GALNT13: variants seen among roughly 807,000 people sequenced by gnomAD.
GALNT13 encodes the protein UDP-GalNAc:polypeptide N-acetylgalactosaminyltransferase 13.
In GALNT13, 28 loss-of-function variants were observed where a neutral mutation model predicts 64.2. The observed-to-expected ratio is 0.44, with a 90% CI of 0.32 to 0.60. GALNT13 has a LOEUF of 0.60. GALNT13 is among the 20% of genes least tolerant of loss of function. GALNT13 has a pLI of 0.05. For missense variants in GALNT13, 577 were observed against 669.8 expected, an observed-to-expected ratio of 0.86 and a Z score of 1.53; for synonymous variants, 214 against 224.6, an observed-to-expected ratio of 0.95 and a Z score of 0.42.
chr2:153,468,815 A>G, the GALNT13 span, among the ~76,000 whole-genome samples: 1 of 152,138 alleles, frequency 6.6e-6, no homozygotes, highest in Non-Finnish European at 1.5e-5. Context: ...ACACTAGGGT[A>G]GCACACGGTG....
intron 3 of GALNT13, among the ~76,000 whole-genome samples, chr2:154,038,946 A>G (rs1404086673): frequency 6.6e-6 from 1 of 152,130 alleles, no homozygotes; most frequent in African/African-American, 2.4e-5. Flanking sequence ...AATGGACAAA[A>G]AAATCTGAGT....
chr2:154,095,400 C>A lies in GALNT13; in HGVS notation c.143-44937C>A, dbSNP rs991305193. Among the ~76,000 whole-genome samples, 6 of 151,824 alleles carry A rather than the reference C, an allele frequency of 4.0e-5. No individual in the cohort carries two copies. In the East Asian group the frequency reaches 1.2e-3, roughly 30 times the overall value. On this transcript the variant is annotated intron_variant, in intron 3 of 12. Transcript: ENST00000392825. ...TGTGTTTTAAAAATGTTTGTGATAA[C>A]TGTAGTTCAATGTAATTGGGTGTTT...
the GALNT13 span, among the ~76,000 whole-genome samples, chr2:153,437,168 T>A: frequency 6.6e-6 from 1 of 152,198 alleles, no homozygotes; most frequent in Non-Finnish European, 1.5e-5. Flanking sequence ...AGTTCTAGTT[T>A]GATTGCACTA....
At chr2:153,628,233 A>T in the GALNT13 span, among the ~76,000 whole-genome samples, 1 of 151,708 alleles carries the variant, frequency 6.6e-6, no homozygotes, top group African/African-American at 2.4e-5. Flanking sequence ...TATCAGCTTA[A>T]GGAGATTTTG....
chr2:154,432,640 C>T (rs75739412), intron 11 of GALNT13, among the ~76,000 whole-genome samples: 7,180 of 152,202 alleles, frequency 0.047, 354 homozygotes, highest in East Asian at 0.23. Flanking sequence ...TTCTAGCTTC[C>T]GGTGTTTGCC....
the GALNT13 span, among the ~76,000 whole-genome samples, chr2:153,313,134 T>G: frequency 1.3e-5 from 2 of 152,154 alleles, no homozygotes; most frequent in Non-Finnish European, 2.9e-5. Flanking sequence ...GTGTGGCAAT[T>G]CCTCAAAGAC....
chr2:153,711,474 C>T, the GALNT13 span, among the ~76,000 whole-genome samples: 1 of 152,040 alleles, frequency 6.6e-6, no homozygotes, highest in Non-Finnish European at 1.5e-5. Flanking sequence ...TGCGGCCATG[C>T]CTAGAAGCAC....
At chr2:154,126,445 C>T (rs1334182687) in intron 3 of GALNT13, among the ~76,000 whole-genome samples, 3 of 151,948 alleles carry the variant, frequency 2.0e-5, no homozygotes, top group Admixed American at 6.6e-5. Context: ...ACCATCCTGG[C>T]TAACATGGTG....
chr2:153,536,592 TA>T, the GALNT13 span, among the ~76,000 whole-genome samples: 1 of 152,204 alleles, frequency 6.6e-6, no homozygotes, highest in Non-Finnish European at 1.5e-5. Flanking sequence ...GGTATATGCT[TA>T]TCATTTTTAT....
the GALNT13 span, among the ~76,000 whole-genome samples, chr2:153,281,359 C>T: frequency 2.0e-5 from 3 of 151,522 alleles, no homozygotes; most frequent in Non-Finnish European, 2.9e-5. Flanking sequence ...TGTGCCTTTT[C>T]AGTGATGGCA....
chr2:154,037,662 T>A (rs1698739021), intron 3 of GALNT13, among the ~76,000 whole-genome samples: 1 of 152,164 alleles, frequency 6.6e-6, no homozygotes, highest in Non-Finnish European at 1.5e-5. Context: ...AGTAAAGTTG[T>A]AGGATACAAA....
the GALNT13 span, among the ~76,000 whole-genome samples, chr2:153,587,505 A>C: frequency 0.014 from 2,078 of 152,282 alleles, 49 homozygotes; most frequent in African/African-American, 0.048. Context: ...TCTTACATGG[A>C]TGGCAGCAGG....
At chr2:153,417,400 A>G in the GALNT13 span, among the ~76,000 whole-genome samples, 1 of 152,174 alleles carries the variant, frequency 6.6e-6, no homozygotes, top group African/African-American at 2.4e-5. Flanking sequence ...TTATGCTTTC[A>G]CTTAGATTGA....
the GALNT13 span, among the ~76,000 whole-genome samples, chr2:153,262,176 C>A: frequency 6.6e-6 from 1 of 152,076 alleles, no homozygotes; most frequent in Non-Finnish European, 1.5e-5. Flanking sequence ...CTGGATCATA[C>A]CTGAAGCCAG....
At chr2:153,871,433 G>T (rs1015339064), upstream of GALNT13, among the ~76,000 whole-genome samples, 8 of 152,104 alleles carry the variant, frequency 5.3e-5, no homozygotes, top group Non-Finnish European at 1.0e-4. Flanking sequence ...CAAGTACCCC[G>T]CAGCATCTCT....
At chr2:154,213,338 C>T (rs1158784865) in intron 4 of GALNT13, among the ~76,000 whole-genome samples, 3 of 152,102 alleles carry the variant, frequency 2.0e-5, no homozygotes, top group Admixed American at 6.6e-5. Flanking sequence ...CCCCAGCCTC[C>T]CAAATTGCTG....
At chr2:154,288,170 T>A (rs1175066478) in intron 8 of GALNT13, among the ~76,000 whole-genome samples, 1 of 152,078 alleles carries the variant, frequency 6.6e-6, no homozygotes, top group Non-Finnish European at 1.5e-5. Flanking sequence ...GAAAGAGCGC[T>A]TGTGTAGGAT....
the GALNT13 span, among the ~76,000 whole-genome samples, chr2:153,715,372 C>T: frequency 6.6e-6 from 1 of 152,330 alleles, no homozygotes; most frequent in Admixed American, 6.5e-5. Flanking sequence ...CTTTGCAGCC[C>T]TCCAGTCTCC....
the GALNT13 span, among the ~76,000 whole-genome samples, chr2:153,512,923 T>C: frequency 3.9e-5 from 6 of 152,302 alleles, no homozygotes; most frequent in African/African-American, 1.2e-4. Flanking sequence ...ATACATTAGG[T>C]TTCTGTAGCA....
Sources: allele counts gnomAD v4.1 joint callset (sites outside exome capture counted in the v4.1 genomes callset), GRCh38; gene constraint gnomAD v4.1.1; transcripts MANE v1.5; gene names NCBI Gene and HGNC (gene_info 2026-07-23, HGNC 2026-07-21).